LRP1B: variants seen among roughly 807,000 people sequenced by gnomAD.
LRP1B encodes the protein LDL receptor related protein 1B.
A neutral mutation model predicts 556.6 loss-of-function variants in LRP1B; 217 were observed. The ratio of observed to expected loss-of-function variants is 0.39; its 90% CI spans 0.35 to 0.44. The LOEUF is 0.44. Among genes scored for constraint, LRP1B ranks in the 20% least tolerant of loss-of-function variants. LRP1B has a pLI of 1.00. For missense variants in LRP1B, 5,053 were observed against 5,620.8 expected (o/e 0.90, Z 3.23); for synonymous variants, 2,047 against 1,865.8 (o/e 1.10, Z -2.50).
intron 43 of LRP1B, among the ~76,000 whole-genome samples, chr2:140,555,803 T>C (rs141194275): frequency 9.7e-4 from 148 of 152,238 alleles, no homozygotes; most frequent in African/African-American, 2.9e-3. Context: ...ATGTCTACTT[T>C]AGAGAAATCT....
At chr2:141,031,280 CATACAT>C (rs1210750424) in intron 11 of LRP1B, among the ~76,000 whole-genome samples, 5 of 52,946 alleles carry the variant, frequency 9.4e-5, no homozygotes, top group Admixed American at 2.1e-4. Context: ...CACACACACA[CATACAT>C]ACATATATAT....
intron 3 of LRP1B, among the ~76,000 whole-genome samples, chr2:141,347,869 A>G (rs576578281): frequency 3.0e-4 from 45 of 152,228 alleles, no homozygotes; most frequent in African/African-American, 1.1e-3. Flanking sequence ...AAAAATTTCA[A>G]ATTATTACCC....
intron 66 of LRP1B, among the ~76,000 whole-genome samples, chr2:140,426,956 A>T (rs1418500452): frequency 6.6e-6 from 1 of 152,182 alleles, no homozygotes; most frequent in Non-Finnish European, 1.5e-5. Context: ...TCTGGAAAGC[A>T]GCCTCTTTTT....
In LRP1B at chr2:140,867,572, A is replaced by C; in HGVS notation, c.4579+18T>G. 1 of 1,602,640 alleles carries C rather than the reference A, an allele frequency of 6.2e-7. No homozygotes were observed. The highest frequency in any genetic ancestry group is 8.5e-7 in the Non-Finnish European group (1 of 1,174,062). ...AATACTTTCTGGGTGGTTAATCCAT[A>C]AGTGAACAAGCACTTACCCTGTGGC... is the stretch of plus-strand genomic sequence containing the variant. On this transcript the variant is annotated intron_variant, in intron 27 of 90. Transcript: ENST00000389484.
Position 140,944,048 on chromosome 2 carries a change from G to A in LRP1B, c.3136+6187C>T, listed in dbSNP as rs573264177. Among the ~76,000 whole-genome samples the A allele has an allele frequency of 1.6e-4, 25 of 152,106 alleles. No individual in the cohort carries two copies. The South Asian group carries it at 5.2e-3, about 32-fold the overall frequency. On this transcript the variant is annotated intron_variant, in intron 20 of 90. Coordinates refer to ENST00000389484, the MANE Select transcript of LRP1B (RefSeq NM_018557.3). Reference sequence around the variant, plus strand: ...CTAAACTAATGAAGAACAAAAGAGAGAAGATCCAAATAAGCACAACCCCAG... The same window carrying A: ...CTAAACTAATGAAGAACAAAAGAGAAAAGATCCAAATAAGCACAACCCCAG...
chr2:141,356,601 G>A (rs889446167), intron 3 of LRP1B, among the ~76,000 whole-genome samples: 1 of 136,006 alleles, frequency 7.4e-6, no homozygotes, highest in Admixed American at 7.0e-5. Flanking sequence ...TTTTTAAGAA[G>A]ACATTTTTCT....
intron 36 of LRP1B, 105 bp from the exon 37 acceptor site, chr2:140,716,207 T>C (rs112787734): frequency 0.056 from 44,406 of 787,670 alleles, 1,656 homozygotes; most frequent in South Asian, 0.097. Flanking sequence ...ATCAAGAAAC[T>C]GTTTACTTCC....
intron 2 of LRP1B, among the ~76,000 whole-genome samples, chr2:141,611,890 A>C (rs1018055872): frequency 3.3e-5 from 5 of 152,190 alleles, no homozygotes; most frequent in African/African-American, 1.2e-4. Flanking sequence ...GCCCGATTTA[A>C]TGGGAATTTC....
At chr2:140,572,999 C>G (rs1681386533) in intron 43 of LRP1B, among the ~76,000 whole-genome samples, 1 of 151,262 alleles carries the variant, frequency 6.6e-6, no homozygotes, top group South Asian at 2.1e-4. Context: ...TAGAGGGTGG[C>G]AGAAGTAGAA....
chr2:140,801,918 G>A (rs957446115), intron 32 of LRP1B, among the ~76,000 whole-genome samples: 2 of 151,352 alleles, frequency 1.3e-5, no homozygotes, highest in Non-Finnish European at 2.9e-5. Flanking sequence ...AGTGTGAAAG[G>A]AAAACAAACG....
At chr2:140,754,934 G>A (rs1347408891) in intron 35 of LRP1B, among the ~76,000 whole-genome samples, 1 of 148,510 alleles carries the variant, frequency 6.7e-6, no homozygotes, top group South Asian at 2.1e-4. Flanking sequence ...ACTAACAAAG[G>A]CAAATGGAGA....
intron 1 of LRP1B, among the ~76,000 whole-genome samples, chr2:141,968,563 T>A (rs1422343052): frequency 6.6e-6 from 1 of 151,718 alleles, no homozygotes; most frequent in Non-Finnish European, 1.5e-5. Flanking sequence ...GACTCATTTA[T>A]CCTGACGTGT....
At chr2:140,503,993 G>C (rs1485120349) in intron 53 of LRP1B, among the ~76,000 whole-genome samples, 1 of 151,816 alleles carries the variant, frequency 6.6e-6, no homozygotes, top group Non-Finnish European at 1.5e-5. Context: ...GTATTTCTTC[G>C]CTCTCTCTCC....
chr2:141,743,883 G>GT (rs1379141651), intron 2 of LRP1B, among the ~76,000 whole-genome samples: 2 of 151,554 alleles, frequency 1.3e-5, no homozygotes, highest in Non-Finnish European at 2.9e-5. Context: ...ATTTATTTAG[G>GT]TTTTGTCTCT....
At chr2:140,787,558 ATTTTTTTTT>A (rs756825067) in intron 32 of LRP1B, among the ~76,000 whole-genome samples, 2 of 44,628 alleles carry the variant, frequency 4.5e-5, no homozygotes, top group Admixed American at 4.3e-4. Flanking sequence ...AAAACAGAAG[ATTTTTTTTT>A]TTTTTTTTTT....
At chr2:140,685,976 G>A (rs896018689) in intron 41 of LRP1B, among the ~76,000 whole-genome samples, 1 of 152,026 alleles carries the variant, frequency 6.6e-6, no homozygotes, top group Non-Finnish European at 1.5e-5. Context: ...AATCACTGTG[G>A]GCTGCAGCGC....
At chr2:140,715,180 C>G (rs943043521) in intron 37 of LRP1B, among the ~76,000 whole-genome samples, 2 of 151,876 alleles carry the variant, frequency 1.3e-5, no homozygotes, top group African/African-American at 4.8e-5. Context: ...TAAGAAGGAT[C>G]ATAACAGAGG....
At chr2:140,549,483 C>A (rs1680466626) in intron 43 of LRP1B, among the ~76,000 whole-genome samples, 1 of 152,162 alleles carries the variant, frequency 6.6e-6, no homozygotes, top group Non-Finnish European at 1.5e-5. Context: ...AAGCCCACTA[C>A]AGCCTATCTG....
chr2:140,787,131 T>C (rs1689933056), intron 32 of LRP1B, among the ~76,000 whole-genome samples: 1 of 152,234 alleles, frequency 6.6e-6, no homozygotes, highest in South Asian at 2.1e-4. Flanking sequence ...ATATTAAATA[T>C]CCATCTTAAA....
Sources: gnomAD v4.1 joint callset for allele counts (sites outside exome capture counted in the v4.1 genomes callset) on GRCh38, gnomAD v4.1.1 for gene constraint, MANE v1.5 for transcripts, NCBI Gene and HGNC (gene_info 2026-07-23, HGNC 2026-07-21) for gene names.